SEZ6: variants seen among roughly 807,000 people sequenced by gnomAD.
SEZ6 encodes the protein seizure protein 6 homolog.
A neutral mutation model predicts 101.0 loss-of-function variants in SEZ6; 53 were observed. The ratio of observed to expected loss-of-function variants is 0.52; its 90% CI spans 0.42 to 0.66. The LOEUF (loss-of-function observed/expected upper bound fraction) is 0.66, where lower values mean the gene tolerates loss of function less well. Among genes scored for constraint, SEZ6 ranks in the 30% least tolerant of loss-of-function variants. SEZ6 has a pLI of 0.00. For synonymous variants in SEZ6, 488 were observed against 512.2 expected, an observed-to-expected ratio of 0.95 and a Z score of 0.64; for missense variants, 1,102 against 1,289.4, an observed-to-expected ratio of 0.85 and a Z score of 2.23.
At position 28,957,291 on chromosome 17, in the gene SEZ6, G is replaced by A. The variant is rs1222183003; in HGVS notation, c.2495-49C>T. The A allele has an allele frequency of 1.9e-6, 3 of 1,611,360 alleles. No homozygotes were observed. In the African/African-American group the frequency reaches 4.0e-5, roughly 22 times the overall value. ...GAGGGTGTCATGCCCTTGGCCTCCA[G>A]GGCAGCATCTTTTATCTCCAGCTAG... is the stretch of plus-strand genomic sequence containing the variant. On this transcript the variant is annotated intron_variant, in intron 12 of 16. Transcript: ENST00000317338.
intron 3 of SEZ6, among the ~76,000 whole-genome samples, chr17:28,977,319 C>G (rs576476653): frequency 2.0e-5 from 3 of 152,242 alleles, no homozygotes; most frequent in Non-Finnish European, 4.4e-5. Flanking sequence ...GTGCTGACCC[C>G]GCTCTGGCCA....
intron 2 of SEZ6, among the ~76,000 whole-genome samples, chr17:28,980,421 G>T (rs1405667362): frequency 2.0e-5 from 3 of 150,260 alleles, no homozygotes; most frequent in Non-Finnish European, 3.0e-5. Flanking sequence ...CCAGGCTGGC[G>T]TGCAGTGACA....
intron 5 of SEZ6, 46 bp from the exon 6 acceptor site, chr17:28,961,019 C>T (rs750553461): frequency 1.3e-6 from 2 of 1,576,400 alleles, no homozygotes; most frequent in Non-Finnish European, 1.7e-6. Flanking sequence ...TGCCTGAACC[C>T]AGGCAGCCTA....
chr17:28,972,750 G>A (rs1288457273), intron 3 of SEZ6, among the ~76,000 whole-genome samples: 4 of 152,176 alleles, frequency 2.6e-5, no homozygotes, highest in South Asian at 2.1e-4. Context: ...TGTAATTATC[G>A]AGAGATGCCA....
At position 28,959,874 on chromosome 17, in the gene SEZ6, C is replaced by A. The variant is rs1379170209; in HGVS notation, c.1595G>T (p.Cys532Phe). ...LRYEAFQQGH[C>F]YEPFVKYGNF... Reference sequence around the variant, plus strand: ...ACCGTATTTGACAAAGGGCTCATAGCAATGGCCCTGCTGGAAGGCTGTAAA... The same window carrying A: ...ACCGTATTTGACAAAGGGCTCATAGAAATGGCCCTGCTGGAAGGCTGTAAA... Residue 532 changes from cysteine (C) to phenylalanine (F), a missense_variant, in exon 8 of 17, where the codon TGC becomes TTC. Physicochemically the swap from Cys to Phe is radical, Grantham distance 205 (BLOSUM62 -2). Coordinates refer to ENST00000317338, the MANE Select transcript of SEZ6 (RefSeq NM_178860.5). This position sits in a 1 kb window ranked among gnomAD's most constrained non-coding sequence, Gnocchi z 4.4. 6.2e-7 allele frequency: 1 copy of A among 1,611,154 alleles called. No individual in the cohort carries two copies. The highest frequency in any genetic ancestry group is 1.1e-5 in the South Asian group (1 of 90,494).
Position 29,006,023 on chromosome 17 carries a change from A to C in SEZ6, c.-154T>G. ...GCTGCCGCCGCCAGCGCCTGACAGA[A>C]TCAGCACCACGGCCAGCGCCTGGCG... On this transcript the variant is annotated 5_prime_UTR_variant, in exon 1 of 17. Coordinates refer to ENST00000317338, the MANE Select transcript of SEZ6 (RefSeq NM_178860.5). 8 of 538,644 alleles carry C rather than the reference A, an allele frequency of 1.5e-5. No homozygotes were observed. Among genetic ancestry groups the C allele is most frequent in the South Asian group, 7.6e-5 (1 of 13,220 alleles). 33.4% of individuals were successfully genotyped at this position (538,644 alleles called of 1,614,324 possible).
intron 1 of SEZ6, among the ~76,000 whole-genome samples, chr17:28,987,156 A>T (rs1443666358): frequency 6.6e-6 from 1 of 152,228 alleles, no homozygotes; most frequent in Non-Finnish European, 1.5e-5. Context: ...GACAATGAGA[A>T]TTTAATGGGA....
chr17:28,976,024 C>T (rs2041216466), intron 3 of SEZ6, among the ~76,000 whole-genome samples: 1 of 152,200 alleles, frequency 6.6e-6, no homozygotes, highest in African/African-American at 2.4e-5. Flanking sequence ...GCCCATCCAT[C>T]CTGAAGGGGC....
chr17:28,996,169 C>A (rs1465721513), intron 1 of SEZ6, among the ~76,000 whole-genome samples: 1 of 151,998 alleles, frequency 6.6e-6, no homozygotes, highest in Non-Finnish European at 1.5e-5. Context: ...CCAGCCACCA[C>A]ACCCAGCTAA....
intron 1 of SEZ6, among the ~76,000 whole-genome samples, chr17:29,000,408 TA>T (rs2041600393): frequency 6.6e-6 from 1 of 152,204 alleles, no homozygotes; most frequent in Non-Finnish European, 1.5e-5. Flanking sequence ...CTGCGAGTAC[TA>T]AATAGAAAAG....
chr17:28,980,742 G>C (rs912397070), intron 2 of SEZ6, among the ~76,000 whole-genome samples: 1 of 152,136 alleles, frequency 6.6e-6, no homozygotes, highest in Non-Finnish European at 1.5e-5. Flanking sequence ...GATGTCAGGT[G>C]ATCCACCTGC....
At chr17:28,982,220 C>A (rs542327583) in intron 1 of SEZ6, among the ~76,000 whole-genome samples, 181 bp from the exon 2 acceptor site, 14 of 152,274 alleles carry the variant, frequency 9.2e-5, no homozygotes, top group African/African-American at 3.1e-4. Context: ...TTACATACTT[C>A]AAGGGTGGCA....
intron 3 of SEZ6, among the ~76,000 whole-genome samples, chr17:28,977,180 T>C (rs1330025331): frequency 1.3e-5 from 2 of 152,232 alleles, no homozygotes; most frequent in Admixed American, 1.3e-4. Flanking sequence ...TGTTGGGTAG[T>C]GTCAGAAATT....
chr17:28,985,361 C>G (rs1055361733), intron 1 of SEZ6, among the ~76,000 whole-genome samples: 1 of 152,232 alleles, frequency 6.6e-6, no homozygotes, highest in African/African-American at 2.4e-5. Flanking sequence ...GAAGCCCCCA[C>G]CCTGTGCCTG....
At chr17:28,970,040 C>G in intron 3 of SEZ6, 88 bp from the exon 4 acceptor site, 2 of 1,253,186 alleles carry the variant, frequency 1.6e-6, no homozygotes, top group Admixed American at 3.4e-5. Flanking sequence ...CTGCAGGCCC[C>G]GGGCAGATCA....
chr17:28,959,125 G>C lies in SEZ6; in HGVS notation c.2007C>G (p.Phe669Leu). The change falls in exon 10 of 17, where the codon TTC becomes TTG. Residue 669 changes from phenylalanine (F) to leucine (L), a missense_variant. Transcript: ENST00000317338. This position sits in a 1 kb window ranked among gnomAD's most constrained non-coding sequence, Gnocchi z 4.4. ...LGQYSGPRSHFKLFTSMADVT... is the reference protein window; with the variant it reads ...LGQYSGPRSHLKLFTSMADVT... Reference sequence around the variant, plus strand: ...CATCAGCCATGGAGGTAAAGAGCTTGAAGTGGCTACGGGGCCCTGAGTACT... The same window carrying C: ...CATCAGCCATGGAGGTAAAGAGCTTCAAGTGGCTACGGGGCCCTGAGTACT... The C allele has an allele frequency of 6.2e-7, 1 of 1,613,976 alleles. No individual in the cohort carries two copies. The highest frequency in any genetic ancestry group is 8.5e-7 in the Non-Finnish European group (1 of 1,179,874).
Position 28,979,638 on chromosome 17 carries a change from C to T in SEZ6, c.858+42G>A, listed in dbSNP as rs2152688767. The T allele has an allele frequency of 2.5e-6, 4 of 1,613,086 alleles. No individual in the cohort carries two copies. The East Asian group carries it at 6.7e-5, about 27-fold the overall frequency. On this transcript the variant is annotated intron_variant, in intron 3 of 16. Transcript: ENST00000317338. ...TGTGCCTCTCTGAAGAAAGAGAATA[C>T]ACCCGCCCCAGCTTTGCCCTTGCCA...
chr17:28,956,165 C>T lies in SEZ6; in HGVS notation c.2946G>A (p.Glu982=). The change falls in exon 16 of 17, where the codon GAG becomes GAA. Residue 982 remains glutamate, a synonymous_variant. Transcript: ENST00000317338. Reference sequence around the variant, plus strand: ...GGCTGGCATGGTTACTTACTCCAGTCTCGTAAGTTGGATTGTCAAACGCTG... The same window carrying T: ...GGCTGGCATGGTTACTTACTCCAGTTTCGTAAGTTGGATTGTCAAACGCTG... The part of the protein sequence containing the change: ...IESAFDNPTY[E]TGSLSFAGDE... 6.3e-7 allele frequency: 1 copy of T among 1,596,794 alleles called. No individual in the cohort carries two copies. Among genetic ancestry groups the T allele is most frequent in the South Asian group, 1.1e-5 (1 of 90,422 alleles).
chr17:28,977,950 C>T lies in SEZ6; in HGVS notation c.858+1730G>A, dbSNP rs1460479474. On this transcript the variant is annotated intron_variant, in intron 3 of 16. Transcript: ENST00000317338. ...CTCCCAGTCAGCCCAGAGTGAGGGG[C>T]ACAGGGCTTGGCAGAGTAGGAGGAA... 2.0e-5 allele frequency among the ~76,000 whole-genome samples: 3 copies of T among 152,154 alleles called. No homozygotes were observed. The East Asian group carries it at 5.8e-4, about 29-fold the overall frequency.
Sources: allele counts gnomAD v4.1 joint callset (sites outside exome capture counted in the v4.1 genomes callset), GRCh38; gene constraint gnomAD v4.1.1; non-coding constraint Gnocchi (gnomAD v3.1); transcripts MANE v1.5; gene names NCBI Gene and HGNC (gene_info 2026-07-23, HGNC 2026-07-21).